The following PCDH17 variants were observed in gnomAD, a reference collection of about 807,000 sequenced individuals.
PCDH17 encodes the protein protocadherin-17.
In PCDH17, 21 loss-of-function variants were observed where a neutral mutation model predicts 67.7. The ratio of observed to expected loss-of-function variants is 0.31; its 90% confidence interval spans 0.22 to 0.45. The LOEUF is 0.45. Ranked by LOEUF, PCDH17 falls within the 20% of genes least tolerant of loss-of-function variation. The pLI is 1.00. For synonymous variants in PCDH17, 701 were observed against 656.7 expected (o/e 1.07, Z -1.03); for missense variants, 1,471 against 1,564.8 (o/e 0.94, Z 1.01).
intron 3 of PCDH17, among the ~76,000 whole-genome samples, chr13:57,721,561 C>A (rs534172040): frequency 6.6e-6 from 1 of 152,184 alleles, no homozygotes; most frequent in Non-Finnish European, 1.5e-5. Context: ...TTATTATACA[C>A]ACTTAACTTA....
At chr13:57,649,848 G>A (rs929662692) in intron 1 of PCDH17, among the ~76,000 whole-genome samples, 16 of 151,990 alleles carry the variant, frequency 1.1e-4, no homozygotes, top group Non-Finnish European at 2.2e-4. Flanking sequence ...TTCATACTTC[G>A]TCTTTTTTAT....
chr13:57,667,555 G>T (rs1199401145), intron 3 of PCDH17, among the ~76,000 whole-genome samples: 2 of 151,818 alleles, frequency 1.3e-5, no homozygotes, highest in Non-Finnish European at 2.9e-5. Context: ...CTGTGAATAG[G>T]TTTTTTATGT....
chr13:57,645,896 C>T (rs1282541844), intron 1 of PCDH17, among the ~76,000 whole-genome samples: 1 of 151,180 alleles, frequency 6.6e-6, no homozygotes, highest in Admixed American at 6.6e-5. Flanking sequence ...TATTAAGAAA[C>T]TAATATGATC....
At chr13:57,703,225 A>G (rs1398782503) in intron 3 of PCDH17, among the ~76,000 whole-genome samples, 1 of 152,170 alleles carries the variant, frequency 6.6e-6, no homozygotes, top group African/African-American at 2.4e-5. Flanking sequence ...TAATTTAATC[A>G]GCTTGCTTTT....
chr13:57,700,915 A>G (rs147770549), intron 3 of PCDH17, among the ~76,000 whole-genome samples: 278 of 152,134 alleles, frequency 1.8e-3, no homozygotes, highest in African/African-American at 6.4e-3. Context: ...TGTACTCCCA[A>G]CTACGTCGGA....
intron 3 of PCDH17, among the ~76,000 whole-genome samples, chr13:57,712,323 T>C (rs1955783999): frequency 6.6e-6 from 1 of 151,658 alleles, no homozygotes; most frequent in African/African-American, 2.4e-5. Flanking sequence ...AGCAGAGACG[T>C]TGTGATCCCA....
intron 3 of PCDH17, among the ~76,000 whole-genome samples, chr13:57,686,751 T>C (rs1322162156): frequency 6.6e-6 from 1 of 152,024 alleles, no homozygotes; most frequent in African/African-American, 2.4e-5. Context: ...CTAATGGTGT[T>C]AAACTAGATA....
intron 1 of PCDH17, among the ~76,000 whole-genome samples, chr13:57,640,403 G>T (rs1199149899): frequency 1.3e-5 from 2 of 151,930 alleles, no homozygotes; most frequent in Non-Finnish European, 2.9e-5. Context: ...AAATGTATAT[G>T]TCTTTATATT....
intron 1 of PCDH17, among the ~76,000 whole-genome samples, chr13:57,639,189 T>C (rs1216880187): frequency 6.6e-6 from 1 of 151,916 alleles, no homozygotes; most frequent in Non-Finnish European, 1.5e-5. Context: ...TCTTAAATAT[T>C]TTGAAAAGGT....
At chr13:57,639,580 G>A (rs954205598) in intron 1 of PCDH17, among the ~76,000 whole-genome samples, 7 of 151,758 alleles carry the variant, frequency 4.6e-5, no homozygotes, top group South Asian at 2.1e-4. Context: ...TTTGGTTTTC[G>A]ATAAAATTTT....
chr13:57,634,515 C>T lies in PCDH17; in HGVS notation c.1969C>T (p.Pro657Ser). 1.9e-6 allele frequency: 3 copies of T among 1,612,988 alleles called. No individual in the cohort carries two copies. The highest frequency in any genetic ancestry group is 2.5e-6 in the Non-Finnish European group (3 of 1,179,990). Residue 657 changes from proline (P) to serine (S), a missense_variant, in exon 1 of 4, where the codon CCC becomes TCC. Physicochemically the swap from Pro to Ser is moderately conservative, Grantham distance 74 (BLOSUM62 -1). Transcript: ENST00000377918. This position sits in a 1 kb window ranked among gnomAD's most constrained non-coding sequence, Gnocchi z 7.8. ...TLHPFWEDVT[P>S]VVELVVKVTD... ...GCACCCTTTCTGGGAGGACGTGACG[C>T]CCGTGGTGGAGCTGGTGGTGAAGGT...
chr13:57,698,046 A>T (rs1353099338), intron 3 of PCDH17, among the ~76,000 whole-genome samples: 1 of 151,670 alleles, frequency 6.6e-6, no homozygotes, highest in Non-Finnish European at 1.5e-5. Context: ...GTGAAAATTC[A>T]TGCCTTGAAA....
At chr13:57,702,825 C>G (rs1162464124) in intron 3 of PCDH17, among the ~76,000 whole-genome samples, 1 of 152,120 alleles carries the variant, frequency 6.6e-6, no homozygotes, top group Admixed American at 6.6e-5. Flanking sequence ...ACATTCTGAA[C>G]TGCTGCGACA....
At chr13:57,644,059 CTA>C (rs1386032629) in intron 1 of PCDH17, among the ~76,000 whole-genome samples, 1 of 151,738 alleles carries the variant, frequency 6.6e-6, no homozygotes, top group Non-Finnish European at 1.5e-5. Flanking sequence ...AAAACAGTAA[CTA>C]TTTTAATATC....
intron 3 of PCDH17, among the ~76,000 whole-genome samples, chr13:57,721,560 A>G (rs1955871883): frequency 6.6e-6 from 1 of 152,144 alleles, no homozygotes; most frequent in Non-Finnish European, 1.5e-5. Context: ...TTTATTATAC[A>G]CACTTAACTT....
chr13:57,701,472 A>C (rs186148378), intron 3 of PCDH17, among the ~76,000 whole-genome samples: 1 of 152,308 alleles, frequency 6.6e-6, no homozygotes, highest in Admixed American at 6.5e-5. Context: ...GAGTAAATAC[A>C]TACTTGTGGG....
rs368423332 is a variant in PCDH17 at position 57,725,217 on chromosome 13, G to T, written c.3403G>T (p.Ala1135Ser). 1.7e-5 allele frequency: 27 copies of T among 1,613,950 alleles called. No individual in the cohort carries two copies. In the African/African-American group the frequency reaches 3.6e-4, roughly 22 times the overall value. Residue 1135 changes from alanine to serine, a missense_variant, in exon 4 of 4, where the codon GCA becomes TCA. By Grantham distance (99) the Ala-to-Ser change is moderately conservative. This residue lies in a region of PCDH17 where 297 missense variants were observed against 298.6 expected (regional missense o/e 0.99). Transcript: ENST00000377918. ...GGATCTGGGCAGAGAGTCTGTGGAT[G>T]CAGAGGAAGTTGTGAGAGAAATTGA... The part of the protein sequence containing the change: ...NRDLGRESVD[A>S]EEVVREIDKL...
chr13:57,667,418 A>G (rs900873953), intron 3 of PCDH17, among the ~76,000 whole-genome samples: 1 of 152,004 alleles, frequency 6.6e-6, no homozygotes, highest in African/African-American at 2.4e-5. Context: ...GTAAAATTTT[A>G]TCTCTAATTT....
intron 1 of PCDH17, among the ~76,000 whole-genome samples, chr13:57,641,591 T>A (rs574986845): frequency 1.1e-3 from 97 of 91,898 alleles, no homozygotes; most frequent in Non-Finnish European, 1.4e-3. Context: ...AAAAAAAATA[T>A]ATATATATAT....
Sources: allele counts gnomAD v4.1 joint callset (sites outside exome capture counted in the v4.1 genomes callset), GRCh38; gene constraint gnomAD v4.1.1; regional missense constraint gnomAD v4.1.1; non-coding constraint Gnocchi (gnomAD v3.1); transcripts MANE v1.5; gene names NCBI Gene and HGNC (gene_info 2026-07-23, HGNC 2026-07-21).